Variants in ULK4 observed in about 807,000 individuals in gnomAD.
The protein encoded by ULK4 is unc-51 like kinase 4, also known as inactive serine/threonine-protein kinase ULK4.
In ULK4, 133 loss-of-function variants were observed where a neutral mutation model predicts 160.6. That is an observed-to-expected ratio of 0.83 (90% CI 0.72 to 0.96). The LOEUF (loss-of-function observed/expected upper bound fraction) is 0.96, where lower values mean the gene tolerates loss of function less well. Among genes scored for constraint, ULK4 ranks in the 40% least tolerant of loss-of-function variants. The pLI is 0.00. For missense variants in ULK4, 1,580 were observed against 1,499.5 expected (o/e 1.05, Z -0.89); for synonymous variants, 534 against 539.8 (o/e 0.99, Z 0.15).
chr3:41,807,554 T>C (rs2125615261), intron 19 of ULK4, among the ~76,000 whole-genome samples: 2 of 152,298 alleles, frequency 1.3e-5, no homozygotes, highest in Non-Finnish European at 2.9e-5. Flanking sequence ...CTTCATTATC[T>C]ACAAAATGAA....
intron 35 of ULK4, among the ~76,000 whole-genome samples, chr3:41,297,873 G>C (rs2079701131): frequency 6.6e-6 from 1 of 152,164 alleles, no homozygotes; most frequent in Non-Finnish European, 1.5e-5. Flanking sequence ...ATAAACATCA[G>C]CCCACTGTAT....
intron 35 of ULK4, among the ~76,000 whole-genome samples, chr3:41,304,277 A>AAAAAAG (rs2079858723): frequency 6.6e-6 from 1 of 151,172 alleles, no homozygotes; most frequent in Admixed American, 6.6e-5. Flanking sequence ...CCCCCTCAAA[A>AAAAAAG]AAAAAAAAAA....
At chr3:41,894,876 AG>A (rs909796828) in intron 16 of ULK4, among the ~76,000 whole-genome samples, 1 of 152,150 alleles carries the variant, frequency 6.6e-6, no homozygotes, top group Non-Finnish European at 1.5e-5. Context: ...CAGAACCCAG[AG>A]CCTTCTAACA....
chr3:41,653,492 C>G (rs1368818477), intron 30 of ULK4, among the ~76,000 whole-genome samples: 1 of 152,134 alleles, frequency 6.6e-6, no homozygotes, highest in Non-Finnish European at 1.5e-5. Context: ...ATCTACTGGC[C>G]TCACCATACC....
At chr3:41,380,652 C>T (rs1231751849) in intron 35 of ULK4, among the ~76,000 whole-genome samples, 2 of 152,246 alleles carry the variant, frequency 1.3e-5, no homozygotes, top group South Asian at 4.1e-4. Context: ...CAATCTCATT[C>T]CTCATTGTGT....
chr3:41,768,729 T>G (rs559906459), intron 21 of ULK4, among the ~76,000 whole-genome samples: 30 of 152,296 alleles, frequency 2.0e-4, no homozygotes, highest in Admixed American at 8.5e-4. Context: ...AATCATAACA[T>G]TTTGGGTGGT....
intron 33 of ULK4, among the ~76,000 whole-genome samples, chr3:41,460,120 T>C (rs185581654): frequency 2.0e-5 from 3 of 152,276 alleles, no homozygotes; most frequent in Non-Finnish European, 4.4e-5. Context: ...CAACTACGCA[T>C]AGCCTTTATG....
Position 41,312,660 on chromosome 3 carries a change from C to A in ULK4, c.3679-63086G>T, listed in dbSNP as rs903128882. On this transcript the variant is annotated intron_variant, in intron 35 of 36. Coordinates refer to ENST00000301831, the MANE Select transcript of ULK4 (RefSeq NM_017886.4). Reference sequence around the variant, plus strand: ...AAAAAAACAAAAACAAACAAACAAACAAACAAAAAAACATTAGCACACCTG... The same window carrying A: ...AAAAAAACAAAAACAAACAAACAAAAAAACAAAAAAACATTAGCACACCTG... Among the ~76,000 whole-genome samples, 15 of 136,844 alleles carry A rather than the reference C, an allele frequency of 1.1e-4. No homozygotes were observed. In the East Asian group the frequency reaches 2.3e-3, roughly 21 times the overall value. 89.8% of individuals were successfully genotyped at this position (136,844 alleles called of 152,430 possible). A position where few individuals can be genotyped will look rare whatever the true frequency, so the allele number is the denominator to read the frequency against.
chr3:41,837,162 G>C (rs1385121126), intron 17 of ULK4, among the ~76,000 whole-genome samples: 1 of 152,222 alleles, frequency 6.6e-6, no homozygotes, highest in Non-Finnish European at 1.5e-5. Context: ...TGGAGATGCA[G>C]GTGGGACAGC....
chr3:41,591,705 G>A (rs763410598), intron 31 of ULK4, among the ~76,000 whole-genome samples: 10 of 151,982 alleles, frequency 6.6e-5, no homozygotes, highest in Admixed American at 3.3e-4. Flanking sequence ...TTAAAATAAC[G>A]TATGATCAGA....
chr3:41,826,057 C>T (rs939537496), intron 18 of ULK4, among the ~76,000 whole-genome samples: 16 of 152,254 alleles, frequency 1.1e-4, no homozygotes, highest in Non-Finnish European at 1.6e-4. Flanking sequence ...TCCAGCCAAA[C>T]TAAGCTTCGT....
intron 31 of ULK4, among the ~76,000 whole-genome samples, chr3:41,577,299 T>C (rs764471384): frequency 6.6e-6 from 1 of 152,180 alleles, no homozygotes; most frequent in African/African-American, 2.4e-5. Context: ...CTTGGAAGAA[T>C]CTTAGAGACT....
At chr3:41,827,422 T>C (rs909215340) in intron 18 of ULK4, among the ~76,000 whole-genome samples, 4 of 147,394 alleles carry the variant, frequency 2.7e-5, no homozygotes, top group South Asian at 2.1e-4. Flanking sequence ...AGCAAGACTA[T>C]CAGACAACAA....
intron 34 of ULK4, among the ~76,000 whole-genome samples, chr3:41,411,430 T>TTTTA (rs1419744694): frequency 3.3e-5 from 5 of 151,296 alleles, no homozygotes; most frequent in African/African-American, 1.2e-4. Context: ...CTTTTTTTTT[T>TTTTA]TTTTATTTTT....
intron 16 of ULK4, among the ~76,000 whole-genome samples, chr3:41,891,704 G>C (rs11926096): frequency 0.96 from 146,289 of 152,174 alleles, 70,600 homozygotes; most frequent in East Asian, 1. Context: ...ATCAGGAGTT[G>C]GAGACCATCT....
chr3:41,431,547 C>CCTTTTTTTTTTTTTTTTTTTTTTTTTTTT (rs563543377), intron 34 of ULK4, among the ~76,000 whole-genome samples: 11 of 95,854 alleles, frequency 1.1e-4, no homozygotes, highest in Non-Finnish European at 1.4e-4. Flanking sequence ...AATTCCCTCC[C>CCTTTTTTTTTTTTTTTTTTTTTTTTTTTT]TTTTTTTTTT....
intron 34 of ULK4, among the ~76,000 whole-genome samples, chr3:41,453,201 T>C (rs2083462133): frequency 6.6e-6 from 1 of 152,190 alleles, no homozygotes; most frequent in South Asian, 2.1e-4. Flanking sequence ...AGGGTCTCAC[T>C]CTTTCACTCT....
chr3:41,590,461 C>CAAAAAAAAAAA (rs71075479), intron 31 of ULK4, among the ~76,000 whole-genome samples: 100 of 56,764 alleles, frequency 1.8e-3, no homozygotes, highest in African/African-American at 4.8e-3. Context: ...ACTAAAAATA[C>CAAAAAAAAAAA]AAAAAAAAAA....
chr3:41,513,689 T>C (rs1176909749), intron 32 of ULK4, among the ~76,000 whole-genome samples: 1 of 152,204 alleles, frequency 6.6e-6, no homozygotes, highest in African/African-American at 2.4e-5. Flanking sequence ...TTGGAGACTA[T>C]TATTCTAAGT....
Sources: allele counts gnomAD v4.1 joint callset (sites outside exome capture counted in the v4.1 genomes callset), GRCh38; gene constraint gnomAD v4.1.1; transcripts MANE v1.5; gene names NCBI Gene and HGNC (gene_info 2026-07-23, HGNC 2026-07-21).